EFTUD2: variants seen among roughly 807,000 people sequenced by gnomAD.
EFTUD2 encodes elongation factor Tu GTP binding domain containing 2, also known as 116 kDa U5 small nuclear ribonucleoprotein component.
Under a neutral mutation model 114.3 loss-of-function variants are expected in EFTUD2, and 9 were observed. The observed-to-expected ratio is 0.08, with a 90% confidence interval of 0.05 to 0.14. The LOEUF is 0.14. Ranked by LOEUF, EFTUD2 falls within the 10% of genes least tolerant of loss-of-function variation. The pLI, the probability that EFTUD2 is intolerant of heterozygous loss-of-function variation, is 1.00. For synonymous variants in EFTUD2, 449 were observed against 462.3 expected (o/e 0.97, Z 0.37); for missense variants, 765 against 1,241.2 (o/e 0.62, Z 5.76).
chr17:44,882,457 T>C (rs2051089730), intron 6 of EFTUD2, among the ~76,000 whole-genome samples: 1 of 152,140 alleles, frequency 6.6e-6, no homozygotes. Context: ...AGTTTCGCCA[T>C]GTTGGCCAGG....
intron 8 of EFTUD2, 36 bp from the exon 9 acceptor site, chr17:44,879,674 G>A (rs749221374): frequency 2.5e-6 from 4 of 1,593,686 alleles, no homozygotes; most frequent in Non-Finnish European, 3.4e-6. Context: ...ATCACTTGGT[G>A]CAGGATAAAG....
intron 3 of EFTUD2, among the ~76,000 whole-genome samples, chr17:44,885,713 C>A (rs754066685): frequency 6.6e-6 from 1 of 152,028 alleles, no homozygotes; most frequent in Non-Finnish European, 1.5e-5. Flanking sequence ...CAGGCTGAAG[C>A]GTACAAATGG....
rs780902001 is a variant in EFTUD2 at position 44,860,394 on chromosome 17, G to A, written c.1719+38C>T. ...TCATGTGTGTCCCTGGGACCATCTA[G>A]CTTAAGCCAACCCAGTTGGTCTCTT... On this transcript the variant is annotated intron_variant, in intron 17 of 27. Coordinates refer to ENST00000426333, the MANE Select transcript of EFTUD2 (RefSeq NM_004247.4). 40 of 1,469,760 alleles carry A rather than the reference G, an allele frequency of 2.7e-5. No individual in the cohort carries two copies. In the Admixed American group the frequency reaches 2.8e-4, roughly 10 times the overall value. 91.0% of individuals were successfully genotyped at this position (1,469,760 alleles called of 1,614,324 possible).
Position 44,857,138 on chromosome 17 carries a change from G to A in EFTUD2, c.1982C>T (p.Thr661Met), listed in dbSNP as rs774001446. 21 of 1,613,886 alleles carry A rather than the reference G, an allele frequency of 1.3e-5. 1 individual carries two copies. In the South Asian group the frequency reaches 1.5e-4, roughly 12 times the overall value. ...IDIKVADPVVTFCETVVETSS... is the reference protein window; with the variant it reads ...IDIKVADPVVMFCETVVETSS... ...TGTTTCCACCACCGTCTCACAAAAC[G>A]TGACAACTGGGTCAGCCACCTGGGA... The change falls in exon 20 of 28, where the codon ACG becomes ATG. Residue 661 changes from threonine to methionine, a missense_variant. Coordinates refer to ENST00000426333, the MANE Select transcript of EFTUD2 (RefSeq NM_004247.4).
At chr17:44,851,545 C>CTTATCCCA (rs2050448656) in intron 27 of EFTUD2, among the ~76,000 whole-genome samples, 165 bp downstream of exon 27, 1 of 152,148 alleles carries the variant, frequency 6.6e-6, no homozygotes, top group African/African-American at 2.4e-5. Flanking sequence ...TCTCCTTTCC[C>CTTATCCCA]AACGAGACTG....
Position 44,853,340 on chromosome 17 carries a change from A to T in EFTUD2, c.2517T>A (p.Pro839=). Residue 839 remains proline (P), a synonymous_variant, in exon 25 of 28, where the codon CCT becomes CCA. Transcript: ENST00000426333. ...TATAAACTGCAGAGACGCAATCTGC[A>T]GGGGCCTGGACCTCTACAAAGTAGT... ...EPYYFVEVQA[P]ADCVSAVYTV... The T allele has an allele frequency of 2.5e-6, 4 of 1,614,092 alleles. No individual in the cohort carries two copies. The highest frequency in any genetic ancestry group is 3.4e-6 in the Non-Finnish European group (4 of 1,179,962).
intron 11 of EFTUD2, among the ~76,000 whole-genome samples, chr17:44,871,895 G>A (rs771938650): frequency 1.3e-5 from 2 of 152,164 alleles, no homozygotes; most frequent in Non-Finnish European, 2.9e-5. Flanking sequence ...AGGTAACTGG[G>A]GAAGTGCAAA....
intron 2 of EFTUD2, among the ~76,000 whole-genome samples, chr17:44,889,955 A>G (rs1394217186): frequency 6.6e-6 from 1 of 152,216 alleles, no homozygotes; most frequent in Non-Finnish European, 1.5e-5. Context: ...CAACAAGTCT[A>G]AACAAATAAA....
At chr17:44,865,223 C>T (rs1033375783) in intron 13 of EFTUD2, 158 bp from the exon 14 acceptor site, 7 of 1,050,146 alleles carry the variant, frequency 6.7e-6, no homozygotes, top group Middle Eastern at 3.2e-4. Context: ...TTGGTTTCAG[C>T]GGCATCTCTG....
At chr17:44,882,449 T>TTTCG (rs1276898174) in intron 6 of EFTUD2, among the ~76,000 whole-genome samples, 1 of 151,948 alleles carries the variant, frequency 6.6e-6, no homozygotes, top group Non-Finnish European at 1.5e-5. Context: ...AGAGATAGAG[T>TTTCG]TTCGCCATGT....
intron 24 of EFTUD2, 40 bp from the exon 25 acceptor site, chr17:44,853,430 A>C: frequency 6.2e-7 from 1 of 1,613,378 alleles, no homozygotes; most frequent in Non-Finnish European, 8.5e-7. Flanking sequence ...AGCTTGGGGA[A>C]GGCTGGGGGC....
intron 9 of EFTUD2, among the ~76,000 whole-genome samples, chr17:44,878,926 G>C (rs908453079): frequency 6.6e-6 from 1 of 152,024 alleles, no homozygotes; most frequent in African/African-American, 2.4e-5. Context: ...CCAATCTCTT[G>C]GAAAAACACA....
chr17:44,897,368 A>T (rs963683471), intron 1 of EFTUD2, among the ~76,000 whole-genome samples: 1 of 152,134 alleles, frequency 6.6e-6, no homozygotes, highest in Non-Finnish European at 1.5e-5. Flanking sequence ...ATTTAATTTT[A>T]AAATAATACC....
intron 7 of EFTUD2, among the ~76,000 whole-genome samples, chr17:44,880,945 A>G (rs1007095249): frequency 6.6e-6 from 1 of 152,248 alleles, no homozygotes; most frequent in African/African-American, 2.4e-5. Flanking sequence ...TTAGAAACAA[A>G]AACAATAGCT....
chr17:44,875,114 CTA>C (rs1489447938), intron 10 of EFTUD2, among the ~76,000 whole-genome samples: 1 of 152,052 alleles, frequency 6.6e-6, no homozygotes, highest in African/African-American at 2.4e-5. Flanking sequence ...ATCTGTAATG[CTA>C]GCACTTTGGA....
chr17:44,876,497 G>C (rs1052735036), intron 9 of EFTUD2, among the ~76,000 whole-genome samples: 1 of 152,150 alleles, frequency 6.6e-6, no homozygotes, highest in Non-Finnish European at 1.5e-5. Flanking sequence ...TGCTCAGTGA[G>C]AGGGCCTAGA....
intron 2 of EFTUD2, chr17:44,892,178 C>G (rs1337720756): frequency 6.6e-6 from 1 of 152,204 alleles, no homozygotes; most frequent in East Asian, 1.9e-4. Flanking sequence ...TGTTCTCTAT[C>G]TTTACCCAAG....
chr17:44,863,534 G>T, intron 15 of EFTUD2, 121 bp downstream of exon 15: 2 of 1,406,700 alleles, frequency 1.4e-6, no homozygotes, highest in Non-Finnish European at 1.9e-6. Context: ...GCCTGACTGT[G>T]CTCATGGGGA....
intron 19 of EFTUD2, among the ~76,000 whole-genome samples, chr17:44,858,656 G>T (rs1283148184): frequency 6.6e-6 from 1 of 151,650 alleles, no homozygotes; most frequent in South Asian, 2.1e-4. Context: ...ATGTTGCCCA[G>T]ATTGGTCTCA....
Sources: allele counts gnomAD v4.1 joint callset (sites outside exome capture counted in the v4.1 genomes callset), GRCh38; gene constraint gnomAD v4.1.1; transcripts MANE v1.5; gene names NCBI Gene and HGNC (gene_info 2026-07-23, HGNC 2026-07-21).